PAXIP1: variants seen among roughly 807,000 people sequenced by gnomAD.
PAXIP1 encodes the protein PAX interacting protein 1.
Under a neutral mutation model 140.6 loss-of-function variants are expected in PAXIP1, and 19 were observed. The observed-to-expected ratio is 0.14, with a 90% CI of 0.09 to 0.20. The LOEUF (loss-of-function observed/expected upper bound fraction) is 0.20, where lower values mean the gene tolerates loss of function less well. Ranked by LOEUF, PAXIP1 falls within the 10% of genes least tolerant of loss-of-function variation. The pLI is 1.00. For synonymous variants in PAXIP1, 442 were observed against 444.6 expected (o/e 0.99, Z 0.07); for missense variants, 920 against 1,208.6 (o/e 0.76, Z 3.54).
At position 154,963,096 on chromosome 7, in the gene PAXIP1, C is replaced by A. The variant is rs987753772; in HGVS notation, c.1989+575G>T. On this transcript the variant is annotated intron_variant, in intron 9 of 20. Coordinates refer to ENST00000404141, the MANE Select transcript of PAXIP1 (RefSeq NM_007349.4). This position sits in a 1 kb window ranked among gnomAD's most constrained non-coding sequence, Gnocchi z 4.1. ...TTTACACGCTTGTGTGCAAGTCACA[C>A]ACCAGTACAGAATCCTGCGTCCCTT... Among the ~76,000 whole-genome samples the A allele has an allele frequency of 6.6e-6, 1 of 152,192 alleles. No individual in the cohort carries two copies. The highest frequency in any genetic ancestry group is 2.4e-5 in the African/African-American group (1 of 41,452).
At position 154,973,040 on chromosome 7, in the gene PAXIP1, C is replaced by T. The variant is rs966972853; in HGVS notation, c.1074+2656G>A. ...GACGCGGATGTGCAGGGACCAGGGC[C>T]GGCACCCTCAGCATTGGGCGGTGCT... On this transcript the variant is annotated intron_variant, in intron 6 of 20. Coordinates refer to ENST00000404141, the MANE Select transcript of PAXIP1 (RefSeq NM_007349.4). This position sits in a 1 kb window ranked among gnomAD's most constrained non-coding sequence, Gnocchi z 4.0. 6.6e-6 allele frequency among the ~76,000 whole-genome samples: 1 copy of T among 152,240 alleles called. No homozygotes were observed. Among genetic ancestry groups the T allele is most frequent in the Non-Finnish European group, 1.5e-5 (1 of 68,054 alleles).
chr7:154,954,513 A>T lies in PAXIP1; in HGVS notation c.2653-90T>A, dbSNP rs1808423923. 1.2e-6 allele frequency: 1 copy of T among 861,330 alleles called. No individual in the cohort carries two copies. 53.4% of individuals were successfully genotyped at this position (861,330 alleles called of 1,614,324 possible). On this transcript the variant is annotated intron_variant, in intron 15 of 20. Transcript: ENST00000404141. This position sits in a 1 kb window ranked among gnomAD's most constrained non-coding sequence, Gnocchi z 5.1. Reference sequence around the variant, plus strand: ...GAGTAACACAGAGGAATATCTACCTAAAGACAAGGTTTATGACTGTAATTC... The same window carrying T: ...GAGTAACACAGAGGAATATCTACCTTAAGACAAGGTTTATGACTGTAATTC...
chr7:154,991,653 C>A (rs751769106), intron 3 of PAXIP1, among the ~76,000 whole-genome samples: 5 of 152,146 alleles, frequency 3.3e-5, no homozygotes, highest in Admixed American at 6.5e-5. Flanking sequence ...ATTTCTAAAG[C>A]TGATCTTAAA....
intron 5 of PAXIP1, among the ~76,000 whole-genome samples, chr7:154,979,005 A>G (rs1563380547): frequency 6.6e-6 from 1 of 152,206 alleles, no homozygotes; most frequent in African/African-American, 2.4e-5. Flanking sequence ...CAGCCTTACT[A>G]TATTTCACTC....
intron 1 of PAXIP1, among the ~76,000 whole-genome samples, chr7:155,002,598 G>A (rs1810965484): frequency 6.6e-6 from 1 of 151,804 alleles, no homozygotes; most frequent in African/African-American, 2.4e-5. Context: ...CAGGCCGGGG[G>A]CTCAGGGCGC....
In PAXIP1 at chr7:154,983,205, C is replaced by T; in HGVS notation, c.438+14G>A. ...AATGACATACAAAAAGAAGGTGGCA[C>T]AAGAAACGCTTACCCCCTTTGGCTC... On this transcript the variant is annotated intron_variant, in intron 5 of 20. Transcript: ENST00000404141. 1 of 1,406,716 alleles carries T rather than the reference C, an allele frequency of 7.1e-7. No individual in the cohort carries two copies. The highest frequency in any genetic ancestry group is 2.4e-5 in the East Asian group (1 of 42,044). 87.1% of individuals were successfully genotyped at this position (1,406,716 alleles called of 1,614,324 possible). A position where few individuals can be genotyped will look rare whatever the true frequency, so the allele number is the denominator to read the frequency against.
At position 154,975,929 on chromosome 7, in the gene PAXIP1, G is replaced by A. The variant is rs1272974650; in HGVS notation, c.841C>T (p.Leu281=). ...VPQLAAAKRR[L]PQGKEPGLIN... ...AACCCAGGCTCCTTTCCCTGAGGCA[G>A]CCTGCGTTTTGCTGCAGCTAACTGT... The change falls in exon 6 of 21, where the codon CTG becomes TTG. Residue 281 remains leucine, a synonymous_variant. Transcript: ENST00000404141. 2 of 1,613,976 alleles carry A rather than the reference G, an allele frequency of 1.2e-6. No homozygotes were observed. Among genetic ancestry groups the A allele is most frequent in the Admixed American group, 1.7e-5 (1 of 60,012 alleles).
chr7:154,955,757 G>C, intron 14 of PAXIP1, 126 bp from the exon 15 acceptor site: 1 of 539,676 alleles, frequency 1.9e-6, no homozygotes, highest in Non-Finnish European at 3.3e-6. Flanking sequence ...TATTCTTAAA[G>C]GAAAAATACA....
intron 6 of PAXIP1, among the ~76,000 whole-genome samples, chr7:154,969,734 G>C (rs11761284): frequency 0.22 from 33,917 of 152,142 alleles, 4,525 homozygotes; most frequent in Admixed American, 0.32. Flanking sequence ...GAGTCCAAGA[G>C]CCTTTCGCTC....
chr7:154,978,292 A>G (rs1239284776), intron 5 of PAXIP1, among the ~76,000 whole-genome samples: 1 of 152,172 alleles, frequency 6.6e-6, no homozygotes, highest in Non-Finnish European at 1.5e-5. Context: ...CACTACTATG[A>G]AAAACTGCAG....
chr7:154,972,758 G>A (rs1395465347), intron 6 of PAXIP1, among the ~76,000 whole-genome samples: 3 of 152,206 alleles, frequency 2.0e-5, no homozygotes, highest in African/African-American at 7.2e-5. Context: ...GACAGGACAG[G>A]TCCACTGCGT....
intron 4 of PAXIP1, among the ~76,000 whole-genome samples, chr7:154,989,042 A>G (rs1810203412): frequency 6.6e-6 from 1 of 152,246 alleles, no homozygotes; most frequent in Non-Finnish European, 1.5e-5. Flanking sequence ...ACAGATATGA[A>G]AAAACATTGC....
Position 154,952,304 on chromosome 7 carries a change from C to T in PAXIP1, c.2821+1951G>A, listed in dbSNP as rs565580043. The T allele has an allele frequency of 5.9e-5, 9 of 152,292 alleles. No homozygotes were observed. In the South Asian group the frequency reaches 8.3e-4, roughly 14 times the overall value. The allele number at this position is 152,292 out of a possible 1,614,324, so 9.4% of individuals were successfully genotyped here. Reference sequence around the variant, plus strand: ...TGGCACTTCGGTGGCCATTTGTGGACGTACGTGGACTGGAAAAGATTCAGT... The same window carrying T: ...TGGCACTTCGGTGGCCATTTGTGGATGTACGTGGACTGGAAAAGATTCAGT... On this transcript the variant is annotated intron_variant, in intron 16 of 20. Coordinates refer to ENST00000404141, the MANE Select transcript of PAXIP1 (RefSeq NM_007349.4).
chr7:154,955,739 G>T, intron 14 of PAXIP1, 108 bp from the exon 15 acceptor site: 1 of 574,664 alleles, frequency 1.7e-6, no homozygotes, highest in Non-Finnish European at 3.0e-6. Flanking sequence ...TTAACTGCAT[G>T]TGGTTTTTAT....
intron 16 of PAXIP1, chr7:154,950,051 A>T (rs1469151695): frequency 1.3e-5 from 2 of 152,364 alleles, no homozygotes; most frequent in East Asian, 3.9e-4. Flanking sequence ...CCTGAACATT[A>T]AACTTTTCAT....
chr7:154,968,327 A>G (rs576696198), intron 7 of PAXIP1, 76 bp downstream of exon 7: 2 of 1,251,698 alleles, frequency 1.6e-6, no homozygotes, highest in South Asian at 1.5e-5. Flanking sequence ...TCCTCACCCC[A>G]CACTCAAACA....
upstream of PAXIP1, among the ~76,000 whole-genome samples, chr7:155,003,258 G>A (rs1029415018): frequency 6.9e-6 from 1 of 144,718 alleles, no homozygotes; most frequent in Non-Finnish European, 1.5e-5. Context: ...AGCTGGCGCC[G>A]GCAGCCCGCT....
intron 4 of PAXIP1, among the ~76,000 whole-genome samples, chr7:154,990,514 T>C (rs1223090435): frequency 1.3e-5 from 2 of 152,196 alleles, no homozygotes. Context: ...TGTTACAAAT[T>C]CGATGAGCAA....
In PAXIP1 at chr7:154,973,832, G is replaced by C. The variant is rs1035211051; in HGVS notation, c.1074+1864C>G. ...TGGAGAATACTGGATCCGGCTTCAG[G>C]TTGTTCCTATATGCTACAGAGCCAT... On this transcript the variant is annotated intron_variant, in intron 6 of 20. Coordinates refer to ENST00000404141, the MANE Select transcript of PAXIP1 (RefSeq NM_007349.4). The surrounding 1 kb of genome is among the most constrained non-coding windows in gnomAD (Gnocchi z 4.0). Among the ~76,000 whole-genome samples, 1 of 152,212 alleles carries C rather than the reference G, an allele frequency of 6.6e-6. No individual in the cohort carries two copies. Among genetic ancestry groups the C allele is most frequent in the African/African-American group, 2.4e-5 (1 of 41,452 alleles).
Sources: allele counts gnomAD v4.1 joint callset (sites outside exome capture counted in the v4.1 genomes callset), GRCh38; gene constraint gnomAD v4.1.1; non-coding constraint Gnocchi (gnomAD v3.1); transcripts MANE v1.5; gene names NCBI Gene and HGNC (gene_info 2026-07-23, HGNC 2026-07-21).